The following COG5 variants were observed in gnomAD, a reference collection of about 807,000 sequenced individuals.
COG5 encodes conserved oligomeric Golgi complex subunit 5.
COG5 carries 86 observed loss-of-function variants against 110.4 expected under a neutral mutation model. The observed-to-expected ratio is 0.78, with a 90% confidence interval of 0.65 to 0.93. The LOEUF (loss-of-function observed/expected upper bound fraction) is 0.93. Ranked by LOEUF, COG5 falls within the 40% of genes least tolerant of loss-of-function variation. COG5 has a pLI of 0.00. For synonymous variants in COG5, 360 were observed against 334.6 expected, an observed-to-expected ratio of 1.08 and a Z score of -0.83; for missense variants, 1,077 against 987.0, an observed-to-expected ratio of 1.09 and a Z score of -1.22.
At chr7:107,245,469 A>T (rs995759245) in intron 17 of COG5, among the ~76,000 whole-genome samples, 13 of 152,308 alleles carry the variant, frequency 8.5e-5, no homozygotes, top group African/African-American at 3.1e-4. Context: ...AAAACCCCAT[A>T]GTCTTGGCCC....
At chr7:107,306,730 C>T (rs1319418547) in intron 11 of COG5, among the ~76,000 whole-genome samples, 2 of 152,134 alleles carry the variant, frequency 1.3e-5, no homozygotes, top group African/African-American at 2.4e-5. Context: ...AAACTTCTAA[C>T]TCTGTAAGCC....
intron 10 of COG5, among the ~76,000 whole-genome samples, chr7:107,341,519 A>C (rs1462909014): frequency 6.6e-6 from 1 of 152,198 alleles, no homozygotes; most frequent in African/African-American, 2.4e-5. Context: ...AAATTAGAAA[A>C]AAGTATTCTA....
rs150110137 is a variant in COG5, at chr7:107,412,868, T to C, written c.539-236A>G. Among the ~76,000 whole-genome samples the C allele has an allele frequency of 1.0e-3, 159 of 152,232 alleles. 2 individuals carry two copies. The East Asian group carries it at 0.024, about 23-fold the overall frequency. ...AGATTTGGTAAGGCAAGAATAGAAA[T>C]GATGATTATTACAAGTTTAAGGAAA... On this transcript the variant is annotated intron_variant, in intron 6 of 21. Transcript: ENST00000297135.
intron 7 of COG5, among the ~76,000 whole-genome samples, chr7:107,380,659 A>C (rs902347907): frequency 6.6e-6 from 1 of 152,236 alleles, no homozygotes; most frequent in Non-Finnish European, 1.5e-5. Flanking sequence ...TCTGAAATTG[A>C]GGCAGTAATT....
intron 14 of COG5, among the ~76,000 whole-genome samples, chr7:107,278,936 T>C (rs1268490833): frequency 6.6e-6 from 1 of 152,026 alleles, no homozygotes; most frequent in East Asian, 1.9e-4. Flanking sequence ...AATTGACAAA[T>C]GGGATCTAAT....
intron 7 of COG5, among the ~76,000 whole-genome samples, chr7:107,390,514 A>C (rs939424000): frequency 9.2e-5 from 14 of 152,026 alleles, no homozygotes; most frequent in Admixed American, 6.6e-5. Context: ...ATCAATCCAC[A>C]GTTGGGATGA....
chr7:107,237,855 C>G (rs1185183114), intron 17 of COG5, among the ~76,000 whole-genome samples: 2 of 152,116 alleles, frequency 1.3e-5, no homozygotes, highest in African/African-American at 2.4e-5. Flanking sequence ...TTGGTTTTCC[C>G]AGATTCAGAC....
At chr7:107,248,314 G>T in intron 17 of COG5, 82 bp downstream of exon 17, 1 of 889,866 alleles carries the variant, frequency 1.1e-6, no homozygotes. Flanking sequence ...TGGCAGGGGG[G>T]CAGCTTAGGG....
chr7:107,489,946 A>T (rs1797884901), intron 6 of COG5, among the ~76,000 whole-genome samples: 1 of 152,182 alleles, frequency 6.6e-6, no homozygotes, highest in Non-Finnish European at 1.5e-5. Context: ...CAATGAGATA[A>T]GCACAAACAA....
intron 11 of COG5, among the ~76,000 whole-genome samples, chr7:107,323,360 C>T (rs560365379): frequency 4.7e-4 from 71 of 152,132 alleles, no homozygotes; most frequent in African/African-American, 1.7e-3. Flanking sequence ...GAAACCCCGT[C>T]TTTACTAAAA....
At chr7:107,452,589 T>C (rs1795405438) in intron 6 of COG5, among the ~76,000 whole-genome samples, 1 of 152,168 alleles carries the variant, frequency 6.6e-6, no homozygotes, top group South Asian at 2.1e-4. Context: ...GGGAGTTTCC[T>C]TGCACAAGCA....
intron 6 of COG5, among the ~76,000 whole-genome samples, chr7:107,480,636 A>T (rs1350556463): frequency 2.6e-5 from 4 of 152,160 alleles, no homozygotes; most frequent in African/African-American, 9.6e-5. Flanking sequence ...TAATTTGAAG[A>T]TTGACTTTTT....
At chr7:107,215,411 T>C (rs1445299625) in intron 19 of COG5, among the ~76,000 whole-genome samples, 2 of 152,182 alleles carry the variant, frequency 1.3e-5, no homozygotes, top group African/African-American at 2.4e-5. Context: ...CTCACGCCTG[T>C]AATCCCAGCA....
At chr7:107,222,223 G>A (rs1236170577) in intron 19 of COG5, among the ~76,000 whole-genome samples, 1 of 149,384 alleles carries the variant, frequency 6.7e-6, no homozygotes, top group Non-Finnish European at 1.5e-5. Context: ...TTTTTGAGAT[G>A]GAGTCTCGCT....
intron 6 of COG5, among the ~76,000 whole-genome samples, chr7:107,440,846 T>C (rs574881407): frequency 3.9e-5 from 6 of 152,326 alleles, no homozygotes; most frequent in African/African-American, 1.2e-4. Flanking sequence ...CTATGCTCTA[T>C]ATATCTTTTC....
At chr7:107,274,935 A>G (rs1804577230) in intron 14 of COG5, among the ~76,000 whole-genome samples, 1 of 151,470 alleles carries the variant, frequency 6.6e-6, no homozygotes, top group South Asian at 2.1e-4. Context: ...CAAGTCTGAG[A>G]AGCAAGTCAG....
intron 6 of COG5, among the ~76,000 whole-genome samples, chr7:107,461,413 G>C (rs1795983291): frequency 6.6e-6 from 1 of 151,912 alleles, no homozygotes; most frequent in Non-Finnish European, 1.5e-5. Context: ...CAACAAAGAA[G>C]GAAACTTTAT....
chr7:107,558,182 GAAC>G, intron 1 of COG5, 67 bp from the exon 2 acceptor site: 6 of 1,485,948 alleles, frequency 4.0e-6, no homozygotes, highest in Non-Finnish European at 5.6e-6. Context: ...TTAAACAACA[GAAC>G]AATTATAATC....
intron 5 of COG5, among the ~76,000 whole-genome samples, chr7:107,539,447 C>T (rs958421238): frequency 1.3e-5 from 2 of 152,108 alleles, no homozygotes; most frequent in Admixed American, 6.5e-5. Flanking sequence ...GCAAATACTA[C>T]ATAATGAATG....
Sources: allele counts gnomAD v4.1 joint callset (sites outside exome capture counted in the v4.1 genomes callset), GRCh38; gene constraint gnomAD v4.1.1; transcripts MANE v1.5; gene names NCBI Gene and HGNC (gene_info 2026-07-23, HGNC 2026-07-21).